AFG2A: variants seen among roughly 807,000 people sequenced by gnomAD.
AFG2A encodes ATPase family gene 2 protein homolog A.
At chr4:122,960,454 A>G in the AFG2A span, among the ~76,000 whole-genome samples, 3 of 152,178 alleles carry the variant, frequency 2.0e-5, no homozygotes, top group African/African-American at 7.2e-5. Flanking sequence ...GTGCCATTTC[A>G]GGAGAGTGAA....
chr4:123,199,631 C>A, the AFG2A span, among the ~76,000 whole-genome samples: 1 of 151,970 alleles, frequency 6.6e-6, no homozygotes, highest in Non-Finnish European at 1.5e-5. Flanking sequence ...GCCACCACAC[C>A]TGGCTAATTT....
chr4:122,935,682 G>A, the AFG2A span: 1 of 1,526,004 alleles, frequency 6.6e-7, no homozygotes, highest in South Asian at 1.4e-5. Flanking sequence ...CCTAGTAATG[G>A]TGAATCTAGT....
At chr4:123,076,702 C>T in the AFG2A span, among the ~76,000 whole-genome samples, 1 of 151,930 alleles carries the variant, frequency 6.6e-6, no homozygotes, top group East Asian at 1.9e-4. Flanking sequence ...TTTTTTTCCC[C>T]TCTTAAAGGA....
chr4:123,229,872 T>C, the AFG2A span, among the ~76,000 whole-genome samples: 2 of 151,934 alleles, frequency 1.3e-5, no homozygotes, highest in African/African-American at 4.8e-5. Flanking sequence ...ATGCATACTT[T>C]AGAGATATCG....
the AFG2A span, among the ~76,000 whole-genome samples, chr4:123,236,164 T>G: frequency 0.014 from 2,150 of 152,294 alleles, 49 homozygotes; most frequent in African/African-American, 0.048. Context: ...CACGTAAAAT[T>G]TAGCCTACAG....
the AFG2A span, among the ~76,000 whole-genome samples, chr4:123,178,403 T>G: frequency 1.2e-4 from 18 of 152,350 alleles, no homozygotes; most frequent in East Asian, 3.5e-3. Flanking sequence ...TATTAGGAAC[T>G]GTTTAAAAAA....
At chr4:123,148,452 A>G in the AFG2A span, among the ~76,000 whole-genome samples, 1 of 152,194 alleles carries the variant, frequency 6.6e-6, no homozygotes, top group East Asian at 1.9e-4. Flanking sequence ...AAAGAATCAG[A>G]AAGCAAATAT....
chr4:123,189,696 T>A, the AFG2A span, among the ~76,000 whole-genome samples: 2 of 152,142 alleles, frequency 1.3e-5, no homozygotes, highest in Admixed American at 6.5e-5. Context: ...TAGCTTTCAT[T>A]TCTAATCTGT....
chr4:123,061,471 C>G, the AFG2A span, among the ~76,000 whole-genome samples: 4 of 152,202 alleles, frequency 2.6e-5, no homozygotes, highest in African/African-American at 7.2e-5. Context: ...GCATGTCTTA[C>G]GTGGTGGCAG....
At chr4:123,023,152 T>G in the AFG2A span, among the ~76,000 whole-genome samples, 7 of 151,546 alleles carry the variant, frequency 4.6e-5, no homozygotes, top group African/African-American at 1.5e-4. Flanking sequence ...AACCTGCACA[T>G]TGTGCACATG....
At chr4:123,095,261 C>A in the AFG2A span, among the ~76,000 whole-genome samples, 1 of 151,742 alleles carries the variant, frequency 6.6e-6, no homozygotes, top group Non-Finnish European at 1.5e-5. Context: ...TAATTCATTT[C>A]TCTTTCAGGT....
At chr4:123,096,851 A>G in the AFG2A span, among the ~76,000 whole-genome samples, 1 of 152,172 alleles carries the variant, frequency 6.6e-6, no homozygotes, top group African/African-American at 2.4e-5. Flanking sequence ...TCATGGAGGT[A>G]GTAAATTGGC....
chr4:123,139,681 G>C, the AFG2A span, among the ~76,000 whole-genome samples: 2 of 151,932 alleles, frequency 1.3e-5, no homozygotes, highest in African/African-American at 2.4e-5. Context: ...TCATTATGAG[G>C]TGTACTTTTA....
the AFG2A span, among the ~76,000 whole-genome samples, chr4:123,059,912 G>T: frequency 6.6e-6 from 1 of 152,180 alleles, no homozygotes; most frequent in African/African-American, 2.4e-5. Context: ...CAGTGATGGT[G>T]AGCATTTTTT....
chr4:123,057,909 G>A, the AFG2A span, among the ~76,000 whole-genome samples: 1 of 152,062 alleles, frequency 6.6e-6, no homozygotes, highest in Non-Finnish European at 1.5e-5. Flanking sequence ...AGTGGTTCAT[G>A]TTGGGTAATG....
At chr4:123,266,060 T>C in the AFG2A span, among the ~76,000 whole-genome samples, 44 of 152,178 alleles carry the variant, frequency 2.9e-4, no homozygotes, top group Admixed American at 8.5e-4. Flanking sequence ...CTCTGTAGCA[T>C]AGATTCTGAT....
the AFG2A span, among the ~76,000 whole-genome samples, chr4:123,275,161 A>G: frequency 2.0e-5 from 3 of 152,170 alleles, no homozygotes; most frequent in African/African-American, 7.2e-5. Flanking sequence ...AACAGCAAAC[A>G]GCTACACTCT....
chr4:123,139,098 C>T, the AFG2A span, among the ~76,000 whole-genome samples: 1 of 151,968 alleles, frequency 6.6e-6, no homozygotes, highest in East Asian at 1.9e-4. Flanking sequence ...TATAGCTTTT[C>T]TTGAATGAGG....
the AFG2A span, among the ~76,000 whole-genome samples, chr4:122,982,258 T>C: frequency 6.6e-5 from 10 of 152,350 alleles, no homozygotes; most frequent in African/African-American, 2.4e-4. Flanking sequence ...TATGATTTTA[T>C]GATTTTTATT....
Sources: gnomAD v4.1 joint callset for allele counts (sites outside exome capture counted in the v4.1 genomes callset) on GRCh38, gnomAD v4.1.1 for gene constraint, MANE v1.5 for transcripts, NCBI Gene and HGNC (gene_info 2026-07-23, HGNC 2026-07-21) for gene names.